The following CAPN3 variants were observed in gnomAD, a reference collection of about 807,000 sequenced individuals.
CAPN3 encodes the protein calpain-3.
CAPN3 carries 88 observed loss-of-function variants against 114.0 expected under a neutral mutation model. The ratio of observed to expected loss-of-function variants is 0.77; its 90% CI spans 0.65 to 0.92. CAPN3 has a LOEUF of 0.92. Among genes scored for constraint, CAPN3 ranks in the 40% least tolerant of loss-of-function variants. CAPN3 has a pLI of 0.00. For missense variants in CAPN3, 1,028 were observed against 1,069.0 expected, an observed-to-expected ratio of 0.96 and a Z score of 0.53; for synonymous variants, 386 against 382.9, an observed-to-expected ratio of 1.01 and a Z score of -0.09.
intron 16 of CAPN3, chr15:42,408,985 G>A (rs934369115): frequency 7.1e-5 from 29 of 411,182 alleles, no homozygotes; most frequent in Admixed American, 4.0e-4. Context: ...TTTGACCTGC[G>A]GGCACCTTTA....
At chr15:42,377,365 A>G (rs926534977) in intron 1 of CAPN3, among the ~76,000 whole-genome samples, 1 of 152,150 alleles carries the variant, frequency 6.6e-6, no homozygotes, top group Non-Finnish European at 1.5e-5. Flanking sequence ...TAGTTAGCTG[A>G]GAGGTTTTTT....
chr15:42,384,676 TA>T (rs1316176090), intron 2 of CAPN3, 124 bp downstream of exon 2: 2 of 757,844 alleles, frequency 2.6e-6, no homozygotes, highest in Non-Finnish European at 4.8e-6. Flanking sequence ...GAAGATTTTT[TA>T]TAACAGTTGC....
At chr15:42,371,241 G>C (rs896235101) in intron 1 of CAPN3, among the ~76,000 whole-genome samples, 6 of 152,104 alleles carry the variant, frequency 3.9e-5, no homozygotes, top group Admixed American at 3.3e-4. Context: ...CAGTGAAAGT[G>C]ACAATTATAT....
At chr15:42,382,847 G>A (rs2053286753) in intron 1 of CAPN3, among the ~76,000 whole-genome samples, 1 of 152,136 alleles carries the variant, frequency 6.6e-6, no homozygotes, top group Non-Finnish European at 1.5e-5. Flanking sequence ...ATGCAGTTAG[G>A]TCCCTTTGCT....
intron 1 of CAPN3, among the ~76,000 whole-genome samples, chr15:42,384,137 G>A (rs188906485): frequency 1.3e-5 from 2 of 152,062 alleles, no homozygotes; most frequent in Non-Finnish European, 2.9e-5. Flanking sequence ...ACTGCGGCCG[G>A]GCGCGGTGGC....
chr15:42,369,787 G>A (rs79989453), intron 1 of CAPN3, among the ~76,000 whole-genome samples: 3,812 of 151,860 alleles, frequency 0.025, 152 homozygotes, highest in African/African-American at 0.087. Flanking sequence ...GGGAGGGAAA[G>A]AAAGGGCATA....
intron 1 of CAPN3, among the ~76,000 whole-genome samples, chr15:42,363,747 A>G (rs1327799473): frequency 6.6e-6 from 1 of 152,228 alleles, no homozygotes; most frequent in African/African-American, 2.4e-5. Context: ...TGCTTTCCAT[A>G]TGTTAATTCA....
At chr15:42,371,635 T>C (rs1245097825) in intron 1 of CAPN3, among the ~76,000 whole-genome samples, 5 of 152,186 alleles carry the variant, frequency 3.3e-5, no homozygotes, top group Non-Finnish European at 7.4e-5. Flanking sequence ...AGATACCTTC[T>C]CCCACCTTGT....
At chr15:42,404,765 G>A (rs1479850092) in intron 14 of CAPN3, 2 of 1,124,944 alleles carry the variant, frequency 1.8e-6, no homozygotes, top group African/African-American at 1.6e-5. Context: ...CTTCTGGGCA[G>A]TGACAGTCAT....
In CAPN3 at chr15:42,410,914, T is replaced by A. The variant is rs577644038; in HGVS notation, c.2294T>A (p.Ile765Asn). 2 of 1,614,154 alleles carry A rather than the reference T, an allele frequency of 1.2e-6. No homozygotes were observed. Among genetic ancestry groups the A allele is most frequent in the South Asian group, 2.2e-5 (2 of 91,084 alleles). ...GFHLNNQLYD[I>N]ITMRYADKHM... ...CACCTCAACAACCAGCTCTATGACA[T>A]CATTACCATGCGGTACGCAGACAAA... Residue 765 changes from isoleucine to asparagine, a missense_variant, in exon 22 of 24, where the codon ATC (isoleucine) becomes AAC (asparagine). Coordinates refer to ENST00000397163, the MANE Select transcript of CAPN3 (RefSeq NM_000070.3).
chr15:42,364,532 G>A (rs2052729546), intron 1 of CAPN3, among the ~76,000 whole-genome samples: 1 of 152,216 alleles, frequency 6.6e-6, no homozygotes, highest in Admixed American at 6.5e-5. Context: ...TTCATGCCTG[G>A]TCTAAATGCA....
At chr15:42,408,471 CA>C (rs772686842) in intron 16 of CAPN3, 147 bp downstream of exon 16, 3 of 654,574 alleles carry the variant, frequency 4.6e-6, no homozygotes, top group Non-Finnish European at 8.6e-6. Context: ...TTTCTTTCAG[CA>C]AGTTCCCCTG....
rs143412460 is a variant in CAPN3, at chr15:42,402,761, G to A, written c.1537-33G>A. 1,025 of 1,607,064 alleles carry A rather than the reference G, an allele frequency of 6.4e-4. 7 individuals carry two copies. In the African/African-American group the frequency reaches 0.012, roughly 19 times the overall value. On this transcript the variant is annotated intron_variant, in intron 12 of 23. Transcript: ENST00000397163. ...CAGGACAGGATGTTCCTCCCGAGGGGCTCATGTGCCCTGGGCTCTCCCCAT... is the reference window on the plus strand; with the variant it reads ...CAGGACAGGATGTTCCTCCCGAGGGACTCATGTGCCCTGGGCTCTCCCCAT...
In CAPN3 at chr15:42,401,723, C is replaced by T. The variant is rs147914333; in HGVS notation, c.1437C>T (p.Ser479=). The T allele has an allele frequency of 2.6e-4, 419 of 1,614,190 alleles. 3 individuals carry two copies. The East Asian group carries it at 8.5e-3, about 33-fold the overall frequency. ...DDPDDSEVIC[S]FLVALMQKNR... ...CTGATGACTCGGAGGTGATTTGCAG[C>T]TTCCTGGTGGCCCTGATGCAGAAGA... Residue 479 remains serine, a synonymous_variant, in exon 11 of 24, where the codon AGC becomes AGT. Transcript: ENST00000397163.
chr15:42,394,178 G>A (rs563941072), intron 7 of CAPN3, 78 bp from the exon 8 acceptor site: 41 of 1,346,158 alleles, frequency 3.0e-5, no homozygotes, highest in South Asian at 2.0e-4. Context: ...CCCCAGCCCC[G>A]TCCCAGCCCT....
At chr15:42,399,432 C>G in intron 9 of CAPN3, 60 bp from the exon 10 acceptor site, 2 of 1,331,832 alleles carry the variant, frequency 1.5e-6, no homozygotes, top group Non-Finnish European at 2.2e-6. Context: ...CTGGGGTCTT[C>G]CGTTCCCAGC....
rs1474312708 is a variant in CAPN3 at position 42,396,743 on chromosome 15, A to G, written c.1116-57A>G. ...TATTTCTCTGATACCTCCTGTCCCAACCTACATCAGGCCTTCCCTTCTTCC... is the reference window on the plus strand; with the variant it reads ...TATTTCTCTGATACCTCCTGTCCCAGCCTACATCAGGCCTTCCCTTCTTCC... On this transcript the variant is annotated intron_variant, in intron 8 of 23. Transcript: ENST00000397163. 5.2e-6 allele frequency: 7 copies of G among 1,357,422 alleles called. 1 individual carries two copies. Among genetic ancestry groups the G allele is most frequent in the South Asian group, 4.7e-5 (4 of 85,738 alleles). 84.1% of individuals were successfully genotyped at this position (1,357,422 alleles called of 1,614,324 possible). A position where few individuals can be genotyped will look rare whatever the true frequency, so the allele number is the denominator to read the frequency against.
At chr15:42,364,760 G>C (rs932052425) in intron 1 of CAPN3, among the ~76,000 whole-genome samples, 1 of 152,200 alleles carries the variant, frequency 6.6e-6, no homozygotes, top group South Asian at 2.1e-4. Context: ...GGCTTTAAAG[G>C]CTCACTGAGA....
At chr15:42,410,390 T>C in intron 19 of CAPN3, 38 bp from the exon 20 acceptor site, 1 of 1,599,374 alleles carries the variant, frequency 6.3e-7, no homozygotes, top group African/African-American at 1.3e-5. Flanking sequence ...CAGGGGGATT[T>C]TGCTGTGTGC....
Sources: gnomAD v4.1 joint callset for allele counts (sites outside exome capture counted in the v4.1 genomes callset) on GRCh38, gnomAD v4.1.1 for gene constraint, MANE v1.5 for transcripts, NCBI Gene and HGNC (gene_info 2026-07-23, HGNC 2026-07-21) for gene names.